CSMD1: variants seen among roughly 807,000 people sequenced by gnomAD.
CSMD1 encodes CUB and sushi domain-containing protein 1.
In CSMD1, 213 loss-of-function variants were observed where a neutral mutation model predicts 417.5. The observed-to-expected ratio is 0.51, with a 90% CI of 0.46 to 0.57. The LOEUF (loss-of-function observed/expected upper bound fraction) is 0.57, where lower values mean the gene tolerates loss of function less well. CSMD1 is among the 20% of genes least tolerant of loss of function. CSMD1 has a pLI of 0.00. For missense variants in CSMD1, 6,923 were observed against 4,529.7 expected (o/e 1.53, Z -15.17); for synonymous variants, 2,862 against 1,736.8 (o/e 1.65, Z -16.11).
chr8:3,992,245 C>T (rs1434524585), intron 5 of CSMD1, among the ~76,000 whole-genome samples: 1 of 151,876 alleles, frequency 6.6e-6, no homozygotes, highest in Non-Finnish European at 1.5e-5. Context: ...AAAAACAACA[C>T]TTCTAAGCTC....
chr8:3,227,834 C>T (rs559266667), intron 27 of CSMD1, among the ~76,000 whole-genome samples: 57 of 150,594 alleles, frequency 3.8e-4, no homozygotes, highest in African/African-American at 1.3e-3. Flanking sequence ...GTGGTGCGAT[C>T]TTGGCTCACT....
chr8:4,155,002 G>A (rs889625363), intron 3 of CSMD1, among the ~76,000 whole-genome samples: 10 of 152,160 alleles, frequency 6.6e-5, no homozygotes, highest in Admixed American at 3.9e-4. Context: ...ACGACTGCAA[G>A]TTTCTGCAGT....
In CSMD1 at chr8:4,424,606, A is replaced by G. The variant is rs1214483584; in HGVS notation, c.303-4541T>C. Among the ~76,000 whole-genome samples, 4 of 152,106 alleles carry G rather than the reference A, an allele frequency of 2.6e-5. No homozygotes were observed. The South Asian group carries it at 6.2e-4, about 24-fold the overall frequency. On this transcript the variant is annotated intron_variant, in intron 2 of 69. Coordinates refer to ENST00000635120, the MANE Select transcript of CSMD1 (RefSeq NM_033225.6). ...TTGCTCTTATACTGCTGGTGGAAATATAAAATGGTACAGCCATTTTCTGTA... is the reference window on the plus strand; with the variant it reads ...TTGCTCTTATACTGCTGGTGGAAATGTAAAATGGTACAGCCATTTTCTGTA...
Position 4,479,423 on chromosome 8 carries a change from GAAAAC to G in CSMD1, c.303-59363_303-59359del, listed in dbSNP as rs553377530. 1.7e-3 allele frequency among the ~76,000 whole-genome samples: 258 copies of G among 150,844 alleles called. 4 individuals are homozygous for G. Among genetic ancestry groups the G allele is most frequent in the African/African-American group, 5.7e-3 (236 of 41,174 alleles). On this transcript the variant is annotated intron_variant, in intron 2 of 69. Transcript: ENST00000635120. ...TTTCACTTCAGTAATTAAGAAACCA[GAAAAC>G]AAAACAAAACAATATATTTGGTGCA...
chr8:4,806,790 A>G (rs1798614258), intron 1 of CSMD1, among the ~76,000 whole-genome samples: 1 of 152,294 alleles, frequency 6.6e-6, no homozygotes, highest in Admixed American at 6.5e-5. Context: ...TCCTGTGACA[A>G]CCTTAAATTC....
intron 5 of CSMD1, among the ~76,000 whole-genome samples, chr8:3,899,729 G>A (rs892431917): frequency 5.9e-5 from 9 of 152,122 alleles, no homozygotes; most frequent in African/African-American, 1.2e-4. Flanking sequence ...TAGGCTGGCT[G>A]AGGTTAGCAG....
intron 18 of CSMD1, among the ~76,000 whole-genome samples, chr8:3,380,890 T>TG (rs1810587135): frequency 6.8e-6 from 1 of 147,954 alleles, no homozygotes; most frequent in East Asian, 2.0e-4. Flanking sequence ...TAAAGTATAA[T>TG]GAAAAAAAAA....
At chr8:3,983,931 C>G (rs1814105568) in intron 5 of CSMD1, among the ~76,000 whole-genome samples, 1 of 152,252 alleles carries the variant, frequency 6.6e-6, no homozygotes, top group African/African-American at 2.4e-5. Context: ...ACAGGGCTGT[C>G]AATTGCAACT....
At chr8:3,630,323 G>C (rs956365326) in intron 7 of CSMD1, among the ~76,000 whole-genome samples, 7 of 152,176 alleles carry the variant, frequency 4.6e-5, no homozygotes, top group Non-Finnish European at 7.3e-5. Flanking sequence ...CCTAAGGTAA[G>C]AGTGAATTTA....
chr8:3,257,175 T>A (rs1411562398), intron 26 of CSMD1, among the ~76,000 whole-genome samples: 8 of 152,070 alleles, frequency 5.3e-5, no homozygotes, highest in Admixed American at 3.3e-4. Context: ...CACAAAAATT[T>A]GCTGGGTTTG....
At chr8:4,777,280 G>C (rs1454179960) in intron 1 of CSMD1, among the ~76,000 whole-genome samples, 2 of 152,192 alleles carry the variant, frequency 1.3e-5, no homozygotes, top group East Asian at 1.9e-4. Context: ...AAACAATTAA[G>C]TCTAATTGAC....
intron 33 of CSMD1, among the ~76,000 whole-genome samples, chr8:3,192,963 G>C (rs1347420266): frequency 6.6e-6 from 1 of 151,982 alleles, no homozygotes; most frequent in Admixed American, 6.6e-5. Context: ...TCCCATAGAG[G>C]CTTCCACAGT....
intron 3 of CSMD1, among the ~76,000 whole-genome samples, chr8:4,057,785 T>C (rs181652000): frequency 5.6e-4 from 85 of 152,280 alleles, no homozygotes; most frequent in African/African-American, 1.9e-3. Flanking sequence ...ATTTAATAAA[T>C]AGGGACTCCT....
intron 3 of CSMD1, among the ~76,000 whole-genome samples, chr8:4,274,452 C>T (rs2128854332): frequency 6.6e-6 from 1 of 152,226 alleles, no homozygotes; most frequent in South Asian, 2.1e-4. Flanking sequence ...ATTGATTAAT[C>T]GTCAGCACAG....
chr8:3,083,884 C>G (rs890655705), intron 49 of CSMD1, among the ~76,000 whole-genome samples: 2 of 151,446 alleles, frequency 1.3e-5, no homozygotes, highest in Non-Finnish European at 2.9e-5. Flanking sequence ...GGCCTGAACT[C>G]CTGTGTTCAA....
At chr8:4,948,345 T>C (rs922797635) in intron 1 of CSMD1, among the ~76,000 whole-genome samples, 4 of 152,070 alleles carry the variant, frequency 2.6e-5, no homozygotes, top group African/African-American at 9.6e-5. Flanking sequence ...ATTCAAAATA[T>C]TTGCACATTT....
At chr8:4,351,426 A>G (rs1468662092) in intron 3 of CSMD1, among the ~76,000 whole-genome samples, 1 of 152,252 alleles carries the variant, frequency 6.6e-6, no homozygotes. Flanking sequence ...AAGTAAGGTA[A>G]GAAGAGTTAC....
At chr8:3,843,217 T>G (rs2129095457) in intron 5 of CSMD1, among the ~76,000 whole-genome samples, 1 of 152,326 alleles carries the variant, frequency 6.6e-6, no homozygotes, top group Non-Finnish European at 1.5e-5. Flanking sequence ...CTTTCCCATT[T>G]TTTTGTAATT....
intron 15 of CSMD1, 143 bp downstream of exon 15, chr8:3,405,884 A>T: frequency 1.4e-6 from 1 of 714,002 alleles, no homozygotes; most frequent in Non-Finnish European, 2.3e-6. Flanking sequence ...GGGAGACTGT[A>T]CACTCCTGTT....
Sources: allele counts gnomAD v4.1 joint callset (sites outside exome capture counted in the v4.1 genomes callset), GRCh38; gene constraint gnomAD v4.1.1; transcripts MANE v1.5; gene names NCBI Gene and HGNC (gene_info 2026-07-23, HGNC 2026-07-21).